Variants in MAP4K4 observed in about 807,000 individuals in gnomAD.
MAP4K4 encodes the protein HPK/GCK-like kinase HGK.
Under a neutral mutation model 189.6 loss-of-function variants are expected in MAP4K4, and 38 were observed. That is an observed-to-expected ratio of 0.20 (90% CI 0.15 to 0.26). MAP4K4 has a LOEUF of 0.26. MAP4K4 is among the 10% of genes least tolerant of loss of function. The pLI is 1.00. For missense variants in MAP4K4, 1,054 were observed against 1,726.9 expected (o/e 0.61, Z 6.91); for synonymous variants, 610 against 624.3 (o/e 0.98, Z 0.34).
intron 2 of MAP4K4, 114 bp downstream of exon 2, chr2:101,698,652 T>G: frequency 1.1e-6 from 1 of 941,568 alleles, no homozygotes. Context: ...TGGCCAAAGT[T>G]GGGAGAGGGG....
At chr2:101,827,201 T>C (rs2096400873) in intron 5 of MAP4K4, among the ~76,000 whole-genome samples, 1 of 152,208 alleles carries the variant, frequency 6.6e-6, no homozygotes, top group Non-Finnish European at 1.5e-5. Context: ...GTGTGGTACG[T>C]GAATGAACAT....
rs557007979 is a variant in MAP4K4 at position 101,754,420 on chromosome 2, C to A, written c.124-36300C>A. ...AGGCTGGAGTGCAGTGGCGTGATCTCAGCTCACTGCAATCTCCACCTCCTG... is the reference window on the plus strand; with the variant it reads ...AGGCTGGAGTGCAGTGGCGTGATCTAAGCTCACTGCAATCTCCACCTCCTG... On this transcript the variant is annotated intron_variant, in intron 2 of 32. Coordinates refer to ENST00000324219, the Ensembl canonical transcript of MAP4K4. Among the ~76,000 whole-genome samples the A allele has an allele frequency of 8.4e-5, 12 of 142,466 alleles. No individual in the cohort carries two copies. In the Admixed American group the frequency reaches 8.8e-4, roughly 10 times the overall value. 93.5% of individuals were successfully genotyped at this position (142,466 alleles called of 152,430 possible). A position where few individuals can be genotyped will look rare whatever the true frequency, so the allele number is the denominator to read the frequency against.
intron 11 of MAP4K4, among the ~76,000 whole-genome samples, chr2:101,843,518 G>C (rs1397793426): frequency 6.6e-6 from 1 of 152,168 alleles, no homozygotes; most frequent in Non-Finnish European, 1.5e-5. Context: ...AATTTAAGGA[G>C]ATATGTTTGC....
At chr2:101,795,100 CATT>C (rs1235635216) in intron 3 of MAP4K4, among the ~76,000 whole-genome samples, 2 of 152,124 alleles carry the variant, frequency 1.3e-5, no homozygotes, top group African/African-American at 4.8e-5. Context: ...ATAGCCTTCC[CATT>C]ATTAGTGAAG....
chr2:101,889,198 G>A (rs553143040), intron 32 of MAP4K4, among the ~76,000 whole-genome samples: 271 of 152,258 alleles, frequency 1.8e-3, no homozygotes, highest in Non-Finnish European at 3.4e-3. Context: ...TAGATGACCA[G>A]TCTAGGCTAT....
chr2:101,812,074 A>G (rs1178062499), intron 3 of MAP4K4, among the ~76,000 whole-genome samples: 3 of 152,196 alleles, frequency 2.0e-5, no homozygotes, highest in Non-Finnish European at 4.4e-5. Flanking sequence ...CATGACAACA[A>G]TACGTTTACT....
At chr2:101,792,394 T>C (rs962173048) in intron 3 of MAP4K4, among the ~76,000 whole-genome samples, 3 of 152,216 alleles carry the variant, frequency 2.0e-5, no homozygotes, top group African/African-American at 7.2e-5. Flanking sequence ...ACACAGCTGT[T>C]GTGGCCGGTC....
intron 3 of MAP4K4, among the ~76,000 whole-genome samples, chr2:101,795,044 C>G (rs1011140659): frequency 6.6e-6 from 1 of 152,114 alleles, no homozygotes; most frequent in African/African-American, 2.4e-5. Context: ...TTCATATTGC[C>G]TCACGTCAGG....
At chr2:101,824,196 C>A in intron 4 of MAP4K4, 143 bp downstream of exon 4, 1 of 783,092 alleles carries the variant, frequency 1.3e-6, no homozygotes, top group Non-Finnish European at 1.9e-6. Context: ...CTAAAGGCTT[C>A]CTTGGCTTGT....
intron 3 of MAP4K4, among the ~76,000 whole-genome samples, chr2:101,801,719 T>C (rs1370742210): frequency 5.3e-5 from 8 of 152,176 alleles, no homozygotes; most frequent in African/African-American, 1.4e-4. Flanking sequence ...GTGTCAGGCC[T>C]CAGGACTAAA....
rs2097442362 is a variant in MAP4K4 at position 101,856,041 on chromosome 2, A to G, written c.1298A>G (p.Glu433Gly). Residue 433 changes from glutamate to glycine, a missense_variant, in exon 13 of 33, where the codon GAA becomes GGA. Around this residue, in one of 4 missense-constraint regions of MAP4K4, gnomAD observed 646 missense variants for 796.2 expected, o/e 0.81. Transcript: ENST00000324219. The stretch of plus-strand genomic sequence containing the variant: ...CGTGAACAGCGAAGGAGAGAACAAG[A>G]AGAAAAGAGGCGTCTAGAGGAGTTG... The G allele has an allele frequency of 1.3e-6, 2 of 1,551,854 alleles. No individual in the cohort carries two copies. The highest frequency in any genetic ancestry group is 1.7e-6 in the Non-Finnish European group (2 of 1,146,994).
intron 2 of MAP4K4, among the ~76,000 whole-genome samples, chr2:101,737,517 G>T (rs1386761083): frequency 2.5e-5 from 3 of 122,436 alleles, no homozygotes; most frequent in Non-Finnish European, 3.2e-5. Context: ...TCATTTGATG[G>T]ATCAGAGTGT....
intron 5 of MAP4K4, 80 bp from the exon 6 acceptor site, chr2:101,829,424 C>G: frequency 1.1e-6 from 1 of 935,012 alleles, no homozygotes; most frequent in East Asian, 2.6e-5. Context: ...CACATGTGCA[C>G]TTTCTTATAA....
intron 2 of MAP4K4, among the ~76,000 whole-genome samples, chr2:101,740,857 G>A (rs2062431641): frequency 6.6e-6 from 1 of 152,126 alleles, no homozygotes; most frequent in Non-Finnish European, 1.5e-5. Flanking sequence ...TCTCTCCTTA[G>A]TCCTCTCCTT....
chr2:101,865,069 T>C, intron 18 of MAP4K4, 33 bp downstream of exon 18: 1 of 1,296,556 alleles, frequency 7.7e-7, no homozygotes, highest in Non-Finnish European at 1.1e-6. Flanking sequence ...GAACAGGCCT[T>C]CTGTGCAGTC....
intron 2 of MAP4K4, among the ~76,000 whole-genome samples, chr2:101,751,841 C>T (rs1410571162): frequency 2.0e-5 from 3 of 152,126 alleles, no homozygotes; most frequent in Admixed American, 6.6e-5. Context: ...ACAGTGTGTC[C>T]CATTTACGTA....
chr2:101,855,316 C>T (rs373143508), intron 12 of MAP4K4, among the ~76,000 whole-genome samples: 39 of 152,290 alleles, frequency 2.6e-4, no homozygotes, highest in African/African-American at 7.9e-4. Context: ...AGTCACTTAC[C>T]TTTTCTGAAC....
intron 12 of MAP4K4, among the ~76,000 whole-genome samples, chr2:101,855,495 A>T (rs978237632): frequency 2.0e-5 from 3 of 152,226 alleles, no homozygotes; most frequent in African/African-American, 7.2e-5. Context: ...TTATATTAAT[A>T]ATAATGGTCC....
At chr2:101,734,284 C>T (rs915983891) in intron 2 of MAP4K4, among the ~76,000 whole-genome samples, 2 of 152,066 alleles carry the variant, frequency 1.3e-5, no homozygotes, top group African/African-American at 4.8e-5. Context: ...TGTGCACCTC[C>T]CCTCATTTTG....
Sources: gnomAD v4.1 joint callset for allele counts (sites outside exome capture counted in the v4.1 genomes callset) on GRCh38, gnomAD v4.1.1 for gene constraint, gnomAD v4.1.1 regional missense constraint, MANE v1.5 for transcripts, NCBI Gene and HGNC (gene_info 2026-07-23, HGNC 2026-07-21) for gene names.